GLP1R: variants seen among roughly 807,000 people sequenced by gnomAD.
GLP1R encodes glucagon-like peptide 1 receptor.
Under a neutral mutation model 68.4 loss-of-function variants are expected in GLP1R, and 32 were observed. That is an observed-to-expected ratio of 0.47 (90% CI 0.35 to 0.63). The LOEUF (loss-of-function observed/expected upper bound fraction) is 0.63, where lower values mean the gene tolerates loss of function less well. Among genes scored for constraint, GLP1R ranks in the 20% least tolerant of loss-of-function variants. The pLI, the probability that GLP1R is intolerant of heterozygous loss-of-function variation, is 0.00. For synonymous variants in GLP1R, 263 were observed against 244.4 expected (o/e 1.08, Z -0.71); for missense variants, 502 against 594.9 (o/e 0.84, Z 1.62).
chr6:39,048,945 CG>C, intron 1 of GLP1R, 27 bp downstream of exon 1: 4 of 974,356 alleles, frequency 4.1e-6, no homozygotes, highest in African/African-American at 1.7e-5. Flanking sequence ...CCGACGACAC[CG>C]GGGGAGGCGG....
chr6:39,080,443 G>A (rs9296290), intron 11 of GLP1R, among the ~76,000 whole-genome samples: 43,946 of 152,014 alleles, frequency 0.29, 6,867 homozygotes, highest in Non-Finnish European at 0.35. Flanking sequence ...TGGACCCCAT[G>A]GCACATGCCT....
At chr6:39,080,241 G>GT (rs1398350561) in intron 11 of GLP1R, among the ~76,000 whole-genome samples, 5 of 152,190 alleles carry the variant, frequency 3.3e-5, no homozygotes, top group African/African-American at 4.8e-5. Flanking sequence ...TCATGTGTGT[G>GT]TATTTACATA....
rs1769198718 is a variant in GLP1R at position 39,088,215 on chromosome 6, C to T, written c.*2142C>T. Among the ~76,000 whole-genome samples, 2 of 152,068 alleles carry T rather than the reference C, an allele frequency of 1.3e-5. No homozygotes were observed. Among genetic ancestry groups the T allele is most frequent in the African/African-American group, 4.8e-5 (2 of 41,390 alleles). ...ACCCCTACACCCAAGTCTTTTAACA[C>T]GGAGGAAGTTTTTCCTTCATGAATA... On this transcript the variant is annotated 3_prime_UTR_variant, in exon 13 of 13. Transcript: ENST00000373256.
At chr6:39,082,565 G>A (rs148078865) in intron 12 of GLP1R, among the ~76,000 whole-genome samples, 1 of 152,292 alleles carries the variant, frequency 6.6e-6, no homozygotes, top group East Asian at 1.9e-4. Flanking sequence ...TGACCCACAG[G>A]AGGCAGTCCT....
intron 7 of GLP1R, 114 bp from the exon 8 acceptor site, chr6:39,078,208 G>A (rs1768885132): frequency 1.3e-6 from 1 of 782,310 alleles, no homozygotes. Context: ...TGGAGGCCAG[G>A]CAAGGAGAGG....
chr6:39,079,573 G>A lies in GLP1R; in HGVS notation c.1053G>A (p.Lys351=). ...CKTDIKCRLA[K]STLTLIPLLG... ...CTGCCCTGCCCCTCAGACTTGCCAA[G>A]TCCACGCTGACACTCATCCCCCTGC... is the stretch of plus-strand genomic sequence containing the variant. Residue 351 remains lysine (K), a synonymous_variant, in exon 11 of 13, where the codon AAG becomes AAA. Coordinates refer to ENST00000373256, the MANE Select transcript of GLP1R (RefSeq NM_002062.5). The surrounding 1 kb of genome is among the most constrained non-coding windows in gnomAD (Gnocchi z 4.5). 1 of 1,597,040 alleles carries A rather than the reference G, an allele frequency of 6.3e-7. No individual in the cohort carries two copies. The highest frequency in any genetic ancestry group is 8.5e-7 in the Non-Finnish European group (1 of 1,173,338).
intron 3 of GLP1R, among the ~76,000 whole-genome samples, chr6:39,061,315 G>A (rs1055665890): frequency 2.0e-5 from 3 of 152,150 alleles, no homozygotes; most frequent in Non-Finnish European, 4.4e-5. Context: ...GCCGCCCGAG[G>A]GCCCTTCAGC....
chr6:39,074,944 C>G (rs1374574948), intron 7 of GLP1R, among the ~76,000 whole-genome samples: 4 of 152,136 alleles, frequency 2.6e-5, no homozygotes, highest in Admixed American at 6.5e-5. Context: ...TACAGCTCCC[C>G]CCACCCCCCA....
At chr6:39,051,897 G>T (rs868788177) in intron 1 of GLP1R, among the ~76,000 whole-genome samples, 3,660 of 144,494 alleles carry the variant, frequency 0.025, 177 homozygotes, top group African/African-American at 0.08. Flanking sequence ...GTGTGTGTGG[G>T]GGGGGGGGCA....
In GLP1R at chr6:39,058,583, A is replaced by G. The variant is rs187128153; in HGVS notation, c.283+1004A>G. On this transcript the variant is annotated intron_variant, in intron 3 of 12. Coordinates refer to ENST00000373256, the MANE Select transcript of GLP1R (RefSeq NM_002062.5). ...CAGGCACCGTGGAGGATAACAGGAG[A>G]CAAGCACCCTCATGGCAAGGAGCTC... 1.8e-3 allele frequency among the ~76,000 whole-genome samples: 271 copies of G among 152,222 alleles called. 1 individual carries two copies. The highest frequency in any genetic ancestry group is 6.0e-3 in the African/African-American group (250 of 41,536).
At chr6:39,073,812 T>A in intron 7 of GLP1R, 43 bp downstream of exon 7, 1 of 1,576,266 alleles carries the variant, frequency 6.3e-7, no homozygotes, top group Non-Finnish European at 8.7e-7. Context: ...GGCACGGGGG[T>A]GGGAGACCTT....
rs199825566 is a variant in GLP1R at position 39,066,272 on chromosome 6, G to A, written c.478G>A (p.Val160Ile). Residue 160 changes from valine (V) to isoleucine (I), a missense_variant, in exon 5 of 13, where the codon GTT becomes ATT. Physicochemically the swap from Val to Ile is conservative, Grantham distance 29 (BLOSUM62 3). Coordinates refer to ENST00000373256, the MANE Select transcript of GLP1R (RefSeq NM_002062.5). ...VGYALSFSAL[V>I]IASAILLGFR... ...CTACGCACTCTCCTTCTCTGCTCTG[G>A]TTATCGCCTCTGCGATCCTCCTCGG... 31 of 1,612,194 alleles carry A rather than the reference G, an allele frequency of 1.9e-5. No homozygotes were observed. Among genetic ancestry groups the A allele is most frequent in the Non-Finnish European group, 2.6e-5 (31 of 1,178,420 alleles).
At chr6:39,078,854 C>T (rs1583646777) in intron 8 of GLP1R, 103 bp from the exon 9 acceptor site, 2 of 959,258 alleles carry the variant, frequency 2.1e-6, no homozygotes, top group East Asian at 4.8e-5. Flanking sequence ...GTGTGTGTGG[C>T]ACTCAACATG....
intron 1 of GLP1R, among the ~76,000 whole-genome samples, chr6:39,050,301 G>A (rs1189252948): frequency 5.9e-5 from 9 of 152,250 alleles, no homozygotes; most frequent in African/African-American, 1.4e-4. Flanking sequence ...CTCCTCTTAC[G>A]GACTGGGTTG....
At chr6:39,076,153 G>T (rs138801120) in intron 7 of GLP1R, among the ~76,000 whole-genome samples, 1 of 152,328 alleles carries the variant, frequency 6.6e-6, no homozygotes, top group African/African-American at 2.4e-5. Flanking sequence ...AGAGAGAAGG[G>T]ACAGCAGGGG....
At chr6:39,066,884 C>T (rs959398640) in intron 5 of GLP1R, among the ~76,000 whole-genome samples, 2 of 152,176 alleles carry the variant, frequency 1.3e-5, no homozygotes, top group African/African-American at 4.8e-5. Flanking sequence ...GACCTCAGGA[C>T]ACCAGGCAGC....
rs147207725 is a variant in GLP1R, at chr6:39,079,145, A to G, written c.988A>G (p.Ile330Val). The change falls in exon 10 of 13, where the codon ATC becomes GTC. Residue 330 changes from isoleucine to valine, a missense_variant. Physicochemically the swap from Ile to Val is conservative, Grantham distance 29. Coordinates refer to ENST00000373256, the MANE Select transcript of GLP1R (RefSeq NM_002062.5). The surrounding 1 kb of genome is among the most constrained non-coding windows in gnomAD (Gnocchi z 4.5). ...CCTCATCTTTGTTCGGGTCATCTGC[A>G]TCGTGGTATCCAAACTGAAGGCCAA... is the stretch of plus-strand genomic sequence containing the variant. Reference protein sequence around the residue: ...NFLIFVRVICIVVSKLKANLM... With the variant: ...NFLIFVRVICVVVSKLKANLM... 6 of 1,614,092 alleles carry G rather than the reference A, an allele frequency of 3.7e-6. No individual in the cohort carries two copies. Among genetic ancestry groups the G allele is most frequent in the Non-Finnish European group, 5.1e-6 (6 of 1,179,970 alleles).
rs10305455 is a variant in GLP1R, at chr6:39,066,046, C to T, written c.403-151C>T. The T allele has an allele frequency of 2.9e-3, 1,806 of 620,460 alleles. 30 individuals are homozygous for T. The African/African-American group carries it at 0.03, about 10-fold the overall frequency. 38.4% of individuals were successfully genotyped at this position (620,460 alleles called of 1,614,324 possible). ...GCCCAAGATATCCAAGAACCATCGCCGTAGGTTACGGTTATTCTCTTTCTT... is the reference window on the plus strand; with the variant it reads ...GCCCAAGATATCCAAGAACCATCGCTGTAGGTTACGGTTATTCTCTTTCTT... On this transcript the variant is annotated intron_variant, in intron 4 of 12. Coordinates refer to ENST00000373256, the MANE Select transcript of GLP1R (RefSeq NM_002062.5).
At chr6:39,057,387 G>A (rs371814608) in intron 2 of GLP1R, 85 bp from the exon 3 acceptor site, 1 of 835,074 alleles carries the variant, frequency 1.2e-6, no homozygotes, top group Non-Finnish European at 2.0e-6. Context: ...CAGCCTCCGA[G>A]GAGGGGAGGG....
Sources: allele counts gnomAD v4.1 joint callset (sites outside exome capture counted in the v4.1 genomes callset), GRCh38; gene constraint gnomAD v4.1.1; non-coding constraint Gnocchi (gnomAD v3.1); transcripts MANE v1.5; gene names NCBI Gene and HGNC (gene_info 2026-07-23, HGNC 2026-07-21).